The following AGO2 variants were observed in gnomAD, a reference collection of about 807,000 sequenced individuals.
AGO2 encodes argonaute RISC catalytic component 2, also known as protein argonaute-2.
A neutral mutation model predicts 102.3 loss-of-function variants in AGO2; 5 were observed. That is an observed-to-expected ratio of 0.05 (90% CI 0.03 to 0.10). The LOEUF (loss-of-function observed/expected upper bound fraction) is 0.10, where lower values mean the gene tolerates loss of function less well. Ranked by LOEUF, AGO2 falls within the 10% of genes least tolerant of loss-of-function variation. The probability of loss-of-function intolerance (pLI) is 1.00; values close to 1 mark genes in which losing one functional copy is unlikely to be tolerated. For synonymous variants in AGO2, 449 were observed against 473.1 expected, an observed-to-expected ratio of 0.95 and a Z score of 0.66; for missense variants, 541 against 1,183.7, an observed-to-expected ratio of 0.46 and a Z score of 7.97.
intron 2 of AGO2, among the ~76,000 whole-genome samples, chr8:140,580,634 C>A (rs1032961034): frequency 1.3e-5 from 2 of 152,224 alleles, no homozygotes; most frequent in African/African-American, 4.8e-5. Context: ...CACCACTGCA[C>A]CCCCAGGGCA....
intron 16 of AGO2, among the ~76,000 whole-genome samples, chr8:140,537,147 T>G (rs2072712651): frequency 6.6e-6 from 1 of 152,142 alleles, no homozygotes; most frequent in Non-Finnish European, 1.5e-5. Flanking sequence ...AATTGTATAA[T>G]GATTTAAAAA....
At chr8:140,579,753 G>A (rs911683126) in intron 2 of AGO2, among the ~76,000 whole-genome samples, 4 of 152,028 alleles carry the variant, frequency 2.6e-5, no homozygotes, top group Non-Finnish European at 4.4e-5. Flanking sequence ...GAGGGTACAC[G>A]ATGTTTCTGC....
At chr8:140,601,720 C>G (rs1376975267) in intron 1 of AGO2, among the ~76,000 whole-genome samples, 1 of 152,246 alleles carries the variant, frequency 6.6e-6, no homozygotes, top group Non-Finnish European at 1.5e-5. Context: ...CTTGTATCAG[C>G]TCTAGATTAC....
intron 1 of AGO2, among the ~76,000 whole-genome samples, chr8:140,585,736 T>C (rs1223026756): frequency 6.6e-6 from 1 of 152,198 alleles, no homozygotes; most frequent in African/African-American, 2.4e-5. Context: ...GGCTCCATAT[T>C]AGTAAAGTTC....
intron 13 of AGO2, among the ~76,000 whole-genome samples, chr8:140,546,490 G>A (rs2072903238): frequency 6.6e-6 from 1 of 152,226 alleles, no homozygotes; most frequent in African/African-American, 2.4e-5. Context: ...GCACACAGCA[G>A]GGGCTCACCA....
chr8:140,557,298 T>G lies in AGO2; in HGVS notation c.879-62A>C. ...CCGGAGCCCCTTCCCCTGCGCTGCT[T>G]TTCATTTGCGTTTGCTTTTTAGGGT... is the stretch of plus-strand genomic sequence containing the variant. On this transcript the variant is annotated intron_variant, in intron 7 of 18. Transcript: ENST00000220592. The surrounding 1 kb of genome is among the most constrained non-coding windows in gnomAD (Gnocchi z 5.9). The G allele has an allele frequency of 6.6e-7, 1 of 1,525,394 alleles. No homozygotes were observed. Among genetic ancestry groups the G allele is most frequent in the Non-Finnish European group, 8.8e-7 (1 of 1,136,402 alleles). The allele number at this position is 1,525,394 out of a possible 1,614,324, so 94.5% of individuals were successfully genotyped here.
At chr8:140,619,757 A>C (rs2074192983) in intron 1 of AGO2, among the ~76,000 whole-genome samples, 2 of 152,216 alleles carry the variant, frequency 1.3e-5, no homozygotes, top group South Asian at 4.1e-4. Context: ...CGAATAAGCA[A>C]ACTCACTGTG....
chr8:140,618,193 G>A (rs2074166980), intron 1 of AGO2, among the ~76,000 whole-genome samples: 1 of 152,094 alleles, frequency 6.6e-6, no homozygotes, highest in Admixed American at 6.6e-5. Context: ...AGTGGTGGGC[G>A]CCTGTAATCC....
intron 2 of AGO2, among the ~76,000 whole-genome samples, chr8:140,573,160 G>A (rs1293006033): frequency 8.0e-5 from 12 of 150,332 alleles, no homozygotes; most frequent in African/African-American, 2.5e-4. Context: ...ACGCCACCAC[G>A]CCCGGCTAAT....
At position 140,531,879 on chromosome 8, in the gene AGO2, T is replaced by C. The variant is rs921379742; in HGVS notation, c.*165A>G. 1.6e-6 allele frequency: 1 copy of C among 631,604 alleles called. No individual in the cohort carries two copies. The highest frequency in any genetic ancestry group is 1.8e-5 in the African/African-American group (1 of 54,852). 39.1% of individuals were successfully genotyped at this position (631,604 alleles called of 1,614,324 possible). A position where few individuals can be genotyped will look rare whatever the true frequency, so the allele number is the denominator to read the frequency against. ...AGGTCTGCAGTTCAAAATCCAAGTT[T>C]GAAATCTGGGACGGAAGGCATTCTG... On this transcript the variant is annotated 3_prime_UTR_variant, in exon 19 of 19. Coordinates refer to ENST00000220592, the MANE Select transcript of AGO2 (RefSeq NM_012154.5).
At chr8:140,552,657 G>C (rs1410804440) in intron 10 of AGO2, among the ~76,000 whole-genome samples, 5 of 152,032 alleles carry the variant, frequency 3.3e-5, no homozygotes, top group Admixed American at 3.3e-4. Context: ...GACAGCCTGG[G>C]GCTCCAGACA....
intron 1 of AGO2, among the ~76,000 whole-genome samples, chr8:140,586,993 CAAG>C (rs1452167042): frequency 2.6e-5 from 4 of 152,186 alleles, no homozygotes; most frequent in South Asian, 2.1e-4. Flanking sequence ...CCGCTGGCTG[CAAG>C]AAGGTTTTGG....
intron 10 of AGO2, chr8:140,555,498 C>G (rs1458538326): frequency 1.7e-5 from 3 of 176,134 alleles, no homozygotes; most frequent in Non-Finnish European, 3.6e-5. Context: ...TGCCTCAAAA[C>G]AAACAAAACC....
At chr8:140,618,341 TG>T (rs2074169637) in intron 1 of AGO2, among the ~76,000 whole-genome samples, 1 of 147,370 alleles carries the variant, frequency 6.8e-6, no homozygotes, top group Non-Finnish European at 1.5e-5. Context: ...AAAAAAAAGT[TG>T]GCCAAGGGTA....
chr8:140,545,011 C>T (rs947414658), intron 13 of AGO2, among the ~76,000 whole-genome samples: 9 of 152,194 alleles, frequency 5.9e-5, no homozygotes, highest in African/African-American at 1.9e-4. Flanking sequence ...CAGCCTTGCT[C>T]GGCTGCTGCA....
intron 1 of AGO2, among the ~76,000 whole-genome samples, chr8:140,623,853 C>T (rs930202115): frequency 5.9e-5 from 9 of 152,022 alleles, no homozygotes; most frequent in Non-Finnish European, 1.2e-4. Flanking sequence ...AAAGGGTAAG[C>T]GAGTTTCAAC....
At chr8:140,610,562 A>G (rs1446269973) in intron 1 of AGO2, among the ~76,000 whole-genome samples, 1 of 152,190 alleles carries the variant, frequency 6.6e-6, no homozygotes, top group Non-Finnish European at 1.5e-5. Context: ...CTTCTCCACA[A>G]AAAGCACAAA....
intron 16 of AGO2, among the ~76,000 whole-genome samples, chr8:140,537,092 T>A (rs901225210): frequency 6.6e-6 from 1 of 152,252 alleles, no homozygotes; most frequent in Non-Finnish European, 1.5e-5. Flanking sequence ...GAATTGAAAG[T>A]TGAAAACATT....
intron 1 of AGO2, among the ~76,000 whole-genome samples, chr8:140,607,522 A>C (rs1186377835): frequency 7.3e-6 from 1 of 136,816 alleles, no homozygotes; most frequent in Non-Finnish European, 1.6e-5. Flanking sequence ...ATATACACAC[A>C]CACACACGTA....
Sources: allele counts gnomAD v4.1 joint callset (sites outside exome capture counted in the v4.1 genomes callset), GRCh38; gene constraint gnomAD v4.1.1; non-coding constraint Gnocchi (gnomAD v3.1); transcripts MANE v1.5; gene names NCBI Gene and HGNC (gene_info 2026-07-23, HGNC 2026-07-21).